Variants in RBMS1 observed in about 807,000 individuals in gnomAD.
The protein encoded by RBMS1 is RNA-binding motif, single-stranded-interacting protein 1.
A neutral mutation model predicts 62.3 loss-of-function variants in RBMS1; 17 were observed. The ratio of observed to expected loss-of-function variants is 0.27; its 90% confidence interval spans 0.19 to 0.41. The LOEUF (loss-of-function observed/expected upper bound fraction) is 0.41, where lower values mean the gene tolerates loss of function less well. Among genes scored for constraint, RBMS1 ranks in the 10% least tolerant of loss-of-function variants. The pLI, the probability that RBMS1 is intolerant of heterozygous loss-of-function variation, is 1.00. For missense variants in RBMS1, 334 were observed against 504.5 expected (o/e 0.66, Z 3.24); for synonymous variants, 172 against 170.0 (o/e 1.01, Z -0.09).
At chr2:160,311,220 C>CTATA (rs1488544677) in intron 4 of RBMS1, among the ~76,000 whole-genome samples, 24,004 of 80,288 alleles carry the variant, frequency 0.3, 3,700 homozygotes, top group East Asian at 0.47. Flanking sequence ...ATCTATCTAT[C>CTATA]TATCTATCTA....
chr2:160,374,969 G>C (rs1693919707), intron 1 of RBMS1, among the ~76,000 whole-genome samples: 1 of 152,104 alleles, frequency 6.6e-6, no homozygotes, highest in Non-Finnish European at 1.5e-5. Context: ...GAACGGAAAA[G>C]TTAGAATATC....
At chr2:160,314,600 A>G (rs1461301624) in intron 3 of RBMS1, among the ~76,000 whole-genome samples, 1 of 152,202 alleles carries the variant, frequency 6.6e-6, no homozygotes, top group East Asian at 1.9e-4. Flanking sequence ...GTAACGAAAT[A>G]AGTTATAATG....
chr2:160,325,988 T>C (rs1454449627), intron 2 of RBMS1, among the ~76,000 whole-genome samples: 1 of 152,182 alleles, frequency 6.6e-6, no homozygotes, highest in East Asian at 1.9e-4. Flanking sequence ...GCCTAACTCT[T>C]ACATTAGATA....
At chr2:160,329,204 A>T (rs936474190) in intron 2 of RBMS1, among the ~76,000 whole-genome samples, 3 of 152,228 alleles carry the variant, frequency 2.0e-5, no homozygotes, top group African/African-American at 7.2e-5. Context: ...CAGACTGACA[A>T]GGAAAATGAT....
At chr2:160,374,491 T>G (rs1342194849) in intron 1 of RBMS1, among the ~76,000 whole-genome samples, 1 of 152,184 alleles carries the variant, frequency 6.6e-6, no homozygotes, top group African/African-American at 2.4e-5. Context: ...CAAGGTGGAA[T>G]GTGGACATGA....
At chr2:160,407,276 C>G (rs546721916) in intron 1 of RBMS1, among the ~76,000 whole-genome samples, 1 of 152,314 alleles carries the variant, frequency 6.6e-6, no homozygotes, top group African/African-American at 2.4e-5. Flanking sequence ...CTGCCCGGCC[C>G]GGGCGGCGGC....
intron 1 of RBMS1, among the ~76,000 whole-genome samples, chr2:160,452,287 T>C (rs1008434303): frequency 6.6e-6 from 1 of 152,158 alleles, no homozygotes; most frequent in Non-Finnish European, 1.5e-5. Context: ...AGGGCTATCA[T>C]GGTGAGCTAA....
At chr2:160,411,956 C>T (rs1401399340) in intron 1 of RBMS1, among the ~76,000 whole-genome samples, 12 of 152,062 alleles carry the variant, frequency 7.9e-5, no homozygotes, top group South Asian at 2.1e-4. Flanking sequence ...AAAAGGAAAA[C>T]GAAAGTCTAA....
intron 1 of RBMS1, among the ~76,000 whole-genome samples, chr2:160,387,774 C>T (rs914763244): frequency 7.9e-5 from 12 of 151,944 alleles, no homozygotes; most frequent in African/African-American, 2.9e-4. Flanking sequence ...CAAATGCATA[C>T]ACTGCCACCC....
chr2:160,434,956 C>G (rs1411901208), intron 1 of RBMS1, among the ~76,000 whole-genome samples: 1 of 152,168 alleles, frequency 6.6e-6, no homozygotes, highest in Non-Finnish European at 1.5e-5. Flanking sequence ...GCAGAAAAGA[C>G]AAGCCCGACC....
intron 2 of RBMS1, among the ~76,000 whole-genome samples, chr2:160,350,020 G>T (rs1361745893): frequency 6.6e-6 from 1 of 151,996 alleles, no homozygotes; most frequent in Admixed American, 6.6e-5. Context: ...CTGGTGTAAG[G>T]CACGTGGAAG....
intron 1 of RBMS1, among the ~76,000 whole-genome samples, chr2:160,435,318 C>T (rs977555880): frequency 2.6e-5 from 4 of 151,690 alleles, no homozygotes; most frequent in African/African-American, 2.4e-5. Context: ...TGTGTGGTCC[C>T]GAATACTTTT....
intron 6 of RBMS1, among the ~76,000 whole-genome samples, chr2:160,295,198 G>GT (rs1404646966): frequency 6.6e-6 from 1 of 152,122 alleles, no homozygotes; most frequent in Admixed American, 6.5e-5. Flanking sequence ...TTAACCTCCT[G>GT]TGCAAAAAGG....
At chr2:160,316,494 C>T (rs7586732) in intron 3 of RBMS1, among the ~76,000 whole-genome samples, 39,560 of 152,016 alleles carry the variant, frequency 0.26, 5,747 homozygotes, top group East Asian at 0.53. Context: ...TACTATGGAC[C>T]CTTACCAACT....
At chr2:160,361,967 G>A (rs1693155721) in intron 2 of RBMS1, among the ~76,000 whole-genome samples, 1 of 152,216 alleles carries the variant, frequency 6.6e-6, no homozygotes, top group Non-Finnish European at 1.5e-5. Context: ...GCTGAAGGAT[G>A]GGATAGCTGT....
chr2:160,280,696 T>C (rs1429528056), intron 10 of RBMS1, among the ~76,000 whole-genome samples: 4 of 152,222 alleles, frequency 2.6e-5, no homozygotes, highest in South Asian at 4.1e-4. Flanking sequence ...CTTAGCCTTA[T>C]TGTAACTTTG....
At chr2:160,476,551 C>CT (rs755429434) in intron 1 of RBMS1, among the ~76,000 whole-genome samples, 1,834 of 111,276 alleles carry the variant, frequency 0.016, 58 homozygotes, top group South Asian at 0.036. Flanking sequence ...AAACACACTT[C>CT]TTTTTTTTTT....
intron 2 of RBMS1, among the ~76,000 whole-genome samples, chr2:160,330,576 T>C (rs571061037): frequency 1.3e-5 from 2 of 151,350 alleles, no homozygotes; most frequent in South Asian, 2.1e-4. Flanking sequence ...AAATCAACTG[T>C]ACAAATTTAG....
At chr2:160,477,300 T>C (rs577733663) in intron 1 of RBMS1, among the ~76,000 whole-genome samples, 12 of 152,240 alleles carry the variant, frequency 7.9e-5, no homozygotes, top group African/African-American at 2.9e-4. Context: ...TGAGCTGTGT[T>C]TGCACCACTG....
Sources: gnomAD v4.1 joint callset for allele counts (sites outside exome capture counted in the v4.1 genomes callset) on GRCh38, gnomAD v4.1.1 for gene constraint, MANE v1.5 for transcripts, NCBI Gene and HGNC (gene_info 2026-07-23, HGNC 2026-07-21) for gene names.